Variants in DNAH6 observed in about 807,000 individuals in gnomAD.
The protein encoded by DNAH6 is dynein axonemal heavy chain 6.
DNAH6 carries 340 observed loss-of-function variants against 491.4 expected under a neutral mutation model. The observed-to-expected ratio is 0.69, with a 90% CI of 0.63 to 0.76. The LOEUF is 0.76. Ranked by LOEUF, DNAH6 falls within the 30% of genes least tolerant of loss-of-function variation. DNAH6 has a pLI of 0.00. For synonymous variants in DNAH6, 1,603 were observed against 1,686.1 expected, an observed-to-expected ratio of 0.95 and a Z score of 1.21; for missense variants, 4,443 against 4,972.2, an observed-to-expected ratio of 0.89 and a Z score of 3.20.
At chr2:84,679,978 A>G (rs1441685498) in intron 41 of DNAH6, among the ~76,000 whole-genome samples, 1 of 152,238 alleles carries the variant, frequency 6.6e-6, no homozygotes, top group Admixed American at 6.5e-5. Context: ...AAATAAAATT[A>G]TCAGCTTGTC....
chr2:84,790,411 T>C (rs1677624192), intron 68 of DNAH6, among the ~76,000 whole-genome samples: 1 of 152,086 alleles, frequency 6.6e-6, no homozygotes. Context: ...TCTAAAACTT[T>C]TACACTTCAA....
intron 9 of DNAH6, among the ~76,000 whole-genome samples, 194 bp downstream of exon 9, chr2:84,550,251 A>G (rs1679202095): frequency 1.3e-5 from 2 of 152,092 alleles, no homozygotes; most frequent in African/African-American, 4.8e-5. Context: ...GTGGGGGATG[A>G]TTTCGGGATG....
At chr2:84,802,876 G>T (rs1415282676) in intron 70 of DNAH6, among the ~76,000 whole-genome samples, 2 of 152,068 alleles carry the variant, frequency 1.3e-5, no homozygotes, top group Non-Finnish European at 2.9e-5. Context: ...GAACACAGTG[G>T]AATATAATTA....
intron 50 of DNAH6, 129 bp downstream of exon 50, chr2:84,703,691 GTTT>G: frequency 4.4e-6 from 3 of 683,204 alleles, no homozygotes; most frequent in Non-Finnish European, 6.5e-6. Context: ...ATTTAGCAAA[GTTT>G]TTTTTTTTTT....
chr2:84,484,871 C>T, the DNAH6 span, among the ~76,000 whole-genome samples: 4 of 152,304 alleles, frequency 2.6e-5, no homozygotes, highest in South Asian at 8.3e-4. Context: ...TCCAGTTATT[C>T]AAGTGTGCAT....
chr2:84,638,790 G>A (rs1689110900), intron 31 of DNAH6, among the ~76,000 whole-genome samples: 2 of 152,090 alleles, frequency 1.3e-5, no homozygotes, highest in African/African-American at 4.8e-5. Context: ...CAGGAAGTGT[G>A]GTGCTAGCAT....
chr2:84,648,897 G>A (rs538725808), intron 33 of DNAH6, among the ~76,000 whole-genome samples: 2 of 152,332 alleles, frequency 1.3e-5, no homozygotes, highest in Admixed American at 6.5e-5. Context: ...CTATCAAACA[G>A]CATCACATGC....
At chr2:84,632,473 G>T (rs1688499718) in intron 29 of DNAH6, among the ~76,000 whole-genome samples, 1 of 152,192 alleles carries the variant, frequency 6.6e-6, no homozygotes. Flanking sequence ...TTCTCAAAGA[G>T]AAAAATATTA....
intron 60 of DNAH6, 52 bp downstream of exon 60, chr2:84,722,856 C>A (rs969481529): frequency 9.2e-7 from 1 of 1,086,756 alleles, no homozygotes. Flanking sequence ...CTCCATTACA[C>A]CTGTTGAATT....
the DNAH6 span, among the ~76,000 whole-genome samples, chr2:84,471,718 T>C: frequency 6.6e-6 from 1 of 152,188 alleles, no homozygotes; most frequent in East Asian, 1.9e-4. Context: ...TTCGTTCATC[T>C]CCTGCAAAAA....
intron 26 of DNAH6, among the ~76,000 whole-genome samples, chr2:84,623,185 A>G (rs1573259268): frequency 6.6e-6 from 1 of 152,308 alleles, no homozygotes; most frequent in East Asian, 1.9e-4. Context: ...TGGCGTTGGC[A>G]TTGATTTCTT....
chr2:84,480,475 A>G, the DNAH6 span, among the ~76,000 whole-genome samples: 1 of 152,260 alleles, frequency 6.6e-6, no homozygotes, highest in Non-Finnish European at 1.5e-5. Flanking sequence ...ACTTGTAAAC[A>G]GGGATAATAA....
intron 40 of DNAH6, among the ~76,000 whole-genome samples, chr2:84,675,652 T>C (rs897561374): frequency 9.2e-5 from 14 of 152,162 alleles, no homozygotes; most frequent in African/African-American, 3.1e-4. Context: ...GTGATTTATA[T>C]TGCAATTTTG....
intron 64 of DNAH6, among the ~76,000 whole-genome samples, chr2:84,767,917 A>T (rs1174288064): frequency 1.3e-5 from 2 of 152,210 alleles, no homozygotes; most frequent in African/African-American, 4.8e-5. Context: ...AATTTCAAAG[A>T]TGCAACAAAT....
chr2:84,791,112 A>T (rs936859228), intron 68 of DNAH6, among the ~76,000 whole-genome samples: 1 of 151,128 alleles, frequency 6.6e-6, no homozygotes, highest in African/African-American at 2.4e-5. Context: ...ATCACTTGAA[A>T]CCAGAAAGCA....
chr2:84,615,264 A>T (rs10181448), intron 22 of DNAH6, among the ~76,000 whole-genome samples: 10,141 of 152,144 alleles, frequency 0.067, 1,102 homozygotes, highest in African/African-American at 0.23. Flanking sequence ...CTTGCCAGTT[A>T]TCCCAGCACC....
intron 62 of DNAH6, among the ~76,000 whole-genome samples, chr2:84,736,430 C>T (rs923234785): frequency 3.9e-5 from 6 of 151,982 alleles, no homozygotes; most frequent in African/African-American, 1.2e-4. Context: ...TAGATTGCTT[C>T]GGATAGCATA....
At chr2:84,727,210 C>G (rs1698719101) in intron 60 of DNAH6, among the ~76,000 whole-genome samples, 1 of 152,104 alleles carries the variant, frequency 6.6e-6, no homozygotes, top group Admixed American at 6.5e-5. Flanking sequence ...TGTCTCACAT[C>G]AAGATGATGC....
chr2:84,669,526 C>T lies in DNAH6; in HGVS notation c.6306+16C>T. On this transcript the variant is annotated intron_variant, in intron 38 of 76. Transcript: ENST00000389394. ...AGTGGGCAAGGTAGGAAACTTACATCAAACAAGAAGTCCTCTCCAAATGTG... is the reference window on the plus strand; with the variant it reads ...AGTGGGCAAGGTAGGAAACTTACATTAAACAAGAAGTCCTCTCCAAATGTG... The T allele has an allele frequency of 6.5e-7, 1 of 1,545,674 alleles. No homozygotes were observed. The highest frequency in any genetic ancestry group is 8.8e-7 in the Non-Finnish European group (1 of 1,141,722).
Sources: gnomAD v4.1 joint callset for allele counts (sites outside exome capture counted in the v4.1 genomes callset) on GRCh38, gnomAD v4.1.1 for gene constraint, MANE v1.5 for transcripts, NCBI Gene and HGNC (gene_info 2026-07-23, HGNC 2026-07-21) for gene names.